Variants in CNTN4 observed in about 807,000 individuals in gnomAD.
The protein encoded by CNTN4 is contactin 4, also known as contactin-4.
CNTN4 carries 77 observed loss-of-function variants against 122.5 expected under a neutral mutation model. The ratio of observed to expected loss-of-function variants is 0.63; its 90% CI spans 0.52 to 0.76. The LOEUF (loss-of-function observed/expected upper bound fraction) is 0.76. Ranked by LOEUF, CNTN4 falls within the 30% of genes least tolerant of loss-of-function variation. The pLI, the probability that CNTN4 is intolerant of heterozygous loss-of-function variation, is 0.00. For synonymous variants in CNTN4, 512 were observed against 447.0 expected, an observed-to-expected ratio of 1.15 and a Z score of -1.83; for missense variants, 1,256 against 1,259.1, an observed-to-expected ratio of 1.00 and a Z score of 0.04.
intron 2 of CNTN4, among the ~76,000 whole-genome samples, chr3:2,221,727 G>A (rs1477449443): frequency 6.6e-6 from 1 of 152,008 alleles, no homozygotes; most frequent in East Asian, 1.9e-4. Context: ...TTAAAACATG[G>A]CAAAGGATTT....
rs140442979 is a variant in CNTN4 at position 2,836,977 on chromosome 3, G to A, written c.454+17396G>A. Among the ~76,000 whole-genome samples, 307 of 152,240 alleles carry A rather than the reference G, an allele frequency of 2.0e-3. 1 individual carries two copies. The highest frequency in any genetic ancestry group is 3.7e-3 in the Non-Finnish European group (255 of 68,022). Reference sequence around the variant, plus strand: ...GCCAATATTATATTTAACAGAGGACGTAAAGACAAACAAGAATGAAACAAG... The same window carrying A: ...GCCAATATTATATTTAACAGAGGACATAAAGACAAACAAGAATGAAACAAG... On this transcript the variant is annotated intron_variant, in intron 7 of 24. Transcript: ENST00000418658.
At chr3:2,797,940 A>G (rs1214848644) in intron 6 of CNTN4, among the ~76,000 whole-genome samples, 4 of 88,984 alleles carry the variant, frequency 4.5e-5, no homozygotes, top group African/African-American at 1.4e-4. Context: ...TTTTTTTGGT[A>G]TAAATTTAGA....
chr3:2,551,347 G>A lies in CNTN4; in HGVS notation c.-88-20069G>A, dbSNP rs2078496280. On this transcript the variant is annotated intron_variant, in intron 3 of 24. Coordinates refer to ENST00000418658, the MANE Select transcript of CNTN4 (RefSeq NM_175607.3). ...ATATGAATGTCAGGAGAAGAAAAGT[G>A]GCTGTATATGTTTGTATATCATGTG... Among the ~76,000 whole-genome samples the A allele has an allele frequency of 2.0e-5, 3 of 152,114 alleles. No homozygotes were observed. In the South Asian group the frequency reaches 6.2e-4, roughly 32 times the overall value.
intron 2 of CNTN4, among the ~76,000 whole-genome samples, chr3:2,247,752 C>T (rs540536891): frequency 6.6e-6 from 1 of 151,884 alleles, no homozygotes; most frequent in Non-Finnish European, 1.5e-5. Context: ...TTTTGGGGAA[C>T]AAATAGCAAC....
At chr3:2,824,168 A>AC (rs2092936093) in intron 7 of CNTN4, among the ~76,000 whole-genome samples, 1 of 151,720 alleles carries the variant, frequency 6.6e-6, no homozygotes, top group South Asian at 2.1e-4. Flanking sequence ...TAAAAAAAAA[A>AC]AAAAAACAGG....
chr3:2,840,286 G>A lies in CNTN4; in HGVS notation c.454+20705G>A, dbSNP rs370360973. 9.2e-5 allele frequency among the ~76,000 whole-genome samples: 14 copies of A among 152,226 alleles called. No homozygotes were observed. The East Asian group carries it at 2.3e-3, about 25-fold the overall frequency. ...AGATAAAGTTCTCCATAGAGAGAGA[G>A]AATTTTAACCCGTTACCCACTGTTG... is the stretch of plus-strand genomic sequence containing the variant. On this transcript the variant is annotated intron_variant, in intron 7 of 24. Coordinates refer to ENST00000418658, the MANE Select transcript of CNTN4 (RefSeq NM_175607.3).
chr3:2,393,939 C>G (rs868480051), intron 3 of CNTN4, among the ~76,000 whole-genome samples: 2 of 152,066 alleles, frequency 1.3e-5, no homozygotes, highest in African/African-American at 4.8e-5. Flanking sequence ...CCTCCTAACC[C>G]TAAGAGACAG....
At chr3:2,610,936 T>C (rs1050893133) in intron 4 of CNTN4, among the ~76,000 whole-genome samples, 4 of 152,154 alleles carry the variant, frequency 2.6e-5, no homozygotes, top group African/African-American at 4.8e-5. Flanking sequence ...TTAAATTTCA[T>C]TGATTGTTTA....
intron 2 of CNTN4, among the ~76,000 whole-genome samples, chr3:2,242,321 G>A (rs2039973442): frequency 6.6e-6 from 1 of 151,974 alleles, no homozygotes; most frequent in East Asian, 1.9e-4. Context: ...ATCTGATTTG[G>A]TCCACATATC....
At chr3:2,192,987 G>T (rs949184122) in intron 2 of CNTN4, among the ~76,000 whole-genome samples, 2 of 152,160 alleles carry the variant, frequency 1.3e-5, no homozygotes, top group Non-Finnish European at 2.9e-5. Flanking sequence ...CTGAAATTCA[G>T]TACTGCCTTT....
intron 4 of CNTN4, among the ~76,000 whole-genome samples, chr3:2,589,346 C>A (rs147578098): frequency 3.3e-5 from 5 of 152,174 alleles, no homozygotes; most frequent in African/African-American, 1.2e-4. Context: ...TTTTACCTTT[C>A]TTTGAAGTGC....
intron 3 of CNTN4, among the ~76,000 whole-genome samples, chr3:2,564,796 A>C (rs9875960): frequency 0.061 from 9,322 of 152,228 alleles, 975 homozygotes; most frequent in African/African-American, 0.21. Flanking sequence ...TATAAGGGGA[A>C]AGTATATTTT....
At chr3:2,490,311 T>A (rs2076280283) in intron 3 of CNTN4, among the ~76,000 whole-genome samples, 1 of 152,182 alleles carries the variant, frequency 6.6e-6, no homozygotes, top group African/African-American at 2.4e-5. Flanking sequence ...ACTCTCATGG[T>A]TTTGTGTACT....
At chr3:2,528,507 A>G (rs1228979898) in intron 3 of CNTN4, among the ~76,000 whole-genome samples, 4 of 152,170 alleles carry the variant, frequency 2.6e-5, no homozygotes, top group Non-Finnish European at 5.9e-5. Context: ...ATGCTATGAC[A>G]TTAAAATAAT....
At chr3:2,461,951 A>C (rs964778323) in intron 3 of CNTN4, among the ~76,000 whole-genome samples, 3 of 152,134 alleles carry the variant, frequency 2.0e-5, no homozygotes, top group African/African-American at 7.2e-5. Flanking sequence ...CAAAGAGAAG[A>C]AGCTTTCTTC....
chr3:2,239,180 G>C (rs1463254612), intron 2 of CNTN4: 5 of 151,922 alleles, frequency 3.3e-5, no homozygotes, highest in African/African-American at 1.2e-4. Context: ...GATTCTTTTA[G>C]CAATTTATAT....
At chr3:2,220,933 T>C (rs2149489229) in intron 2 of CNTN4, among the ~76,000 whole-genome samples, 1 of 152,224 alleles carries the variant, frequency 6.6e-6, no homozygotes, top group Non-Finnish European at 1.5e-5. Flanking sequence ...AAGTGAATAT[T>C]TCTGTCCATT....
chr3:2,497,247 C>T (rs1478233286), intron 3 of CNTN4, among the ~76,000 whole-genome samples: 1 of 152,142 alleles, frequency 6.6e-6, no homozygotes, highest in African/African-American at 2.4e-5. Flanking sequence ...TCATTTTCTT[C>T]TCACTACAAC....
chr3:2,389,244 A>T (rs1279044791), intron 3 of CNTN4, among the ~76,000 whole-genome samples: 1 of 151,446 alleles, frequency 6.6e-6, no homozygotes. Flanking sequence ...TACCCTTTTC[A>T]CCGTGATCTA....
Sources: allele counts gnomAD v4.1 joint callset (sites outside exome capture counted in the v4.1 genomes callset), GRCh38; gene constraint gnomAD v4.1.1; transcripts MANE v1.5; gene names NCBI Gene and HGNC (gene_info 2026-07-23, HGNC 2026-07-21).